Variants in DLGAP1 observed in about 807,000 individuals in gnomAD.
The protein encoded by DLGAP1 is disks large-associated protein 1.
DLGAP1 carries 11 observed loss-of-function variants against 90.8 expected under a neutral mutation model. That is an observed-to-expected ratio of 0.12 (90% CI 0.08 to 0.20). DLGAP1 has a LOEUF of 0.20. Among genes scored for constraint, DLGAP1 ranks in the 10% least tolerant of loss-of-function variants. The pLI, the probability that DLGAP1 is intolerant of heterozygous loss-of-function variation, is 1.00. For missense variants in DLGAP1, 1,050 were observed against 1,333.8 expected (o/e 0.79, Z 3.31); for synonymous variants, 558 against 540.7 (o/e 1.03, Z -0.44).
At chr18:3,964,822 G>A (rs1427606271) in intron 3 of DLGAP1, among the ~76,000 whole-genome samples, 1 of 152,178 alleles carries the variant, frequency 6.6e-6, no homozygotes, top group East Asian at 1.9e-4. Flanking sequence ...GAAGGAGAAA[G>A]TGCAAACTGT....
At chr18:4,438,431 C>CA (rs11389361) in intron 1 of DLGAP1, among the ~76,000 whole-genome samples, 25,783 of 52,128 alleles carry the variant, frequency 0.49, 9,475 homozygotes, top group African/African-American at 0.67. Flanking sequence ...GACTCCATCT[C>CA]AAAAAAAAAA....
chr18:4,005,840 A>T (rs376112504), intron 2 of DLGAP1, among the ~76,000 whole-genome samples: 2 of 152,200 alleles, frequency 1.3e-5, no homozygotes, highest in East Asian at 3.8e-4. Flanking sequence ...TTGGTTCTGC[A>T]TCAAATGTAT....
At chr18:4,399,366 T>G (rs2082504078) in intron 1 of DLGAP1, among the ~76,000 whole-genome samples, 2 of 152,196 alleles carry the variant, frequency 1.3e-5, no homozygotes. Context: ...CAGGGTCTAT[T>G]TATGTGCATT....
intron 3 of DLGAP1, among the ~76,000 whole-genome samples, chr18:3,938,105 A>G (rs2072682508): frequency 6.6e-6 from 1 of 152,206 alleles, no homozygotes; most frequent in African/African-American, 2.4e-5. Flanking sequence ...AACTAAGGCA[A>G]CTGAAGTTTG....
intron 1 of DLGAP1, among the ~76,000 whole-genome samples, chr18:4,363,494 G>A (rs375949275): frequency 1.1e-4 from 17 of 152,116 alleles, no homozygotes; most frequent in East Asian, 9.7e-4. Context: ...GAAAATTTTC[G>A]CAACCTACTC....
intron 7 of DLGAP1, among the ~76,000 whole-genome samples, chr18:3,592,895 AAAAAGAAAAAG>A (rs1272448650): frequency 3.6e-5 from 5 of 140,626 alleles, no homozygotes; most frequent in South Asian, 2.3e-4. Flanking sequence ...AAAGAAAAAG[AAAAAGAAAAAG>A]AAAAAAAAGA....
chr18:3,895,175 T>G (rs2071585713), intron 3 of DLGAP1, among the ~76,000 whole-genome samples: 1 of 152,080 alleles, frequency 6.6e-6, no homozygotes. Context: ...CTCCACCAGC[T>G]TGAATACCAG....
chr18:3,911,017 C>A (rs978241651), intron 3 of DLGAP1, among the ~76,000 whole-genome samples: 1 of 152,132 alleles, frequency 6.6e-6, no homozygotes, highest in Non-Finnish European at 1.5e-5. Flanking sequence ...CATTTAAACA[C>A]TCTAGAGTTT....
intron 2 of DLGAP1, among the ~76,000 whole-genome samples, chr18:4,012,329 C>A (rs1360538958): frequency 2.0e-5 from 3 of 152,168 alleles, no homozygotes; most frequent in African/African-American, 7.2e-5. Flanking sequence ...CAGAGCAGCA[C>A]TGATGGTTCA....
At chr18:4,210,424 G>C (rs2077817765) in intron 1 of DLGAP1, among the ~76,000 whole-genome samples, 1 of 152,168 alleles carries the variant, frequency 6.6e-6, no homozygotes, top group African/African-American at 2.4e-5. Context: ...TCTTTTTGTT[G>C]ATTGGGACAC....
At chr18:3,874,271 C>A in intron 4 of DLGAP1, 1 of 1,549,542 alleles carries the variant, frequency 6.5e-7, no homozygotes, top group South Asian at 1.2e-5. Context: ...CTTTCCTTCT[C>A]GGTCTGTCTT....
In DLGAP1 at chr18:3,706,758, C is replaced by T. The variant is rs112912014; in HGVS notation, c.1591+22377G>A. ...TGATCTGATACAGACCACAGAGAGG[C>T]GACTCCAGCCAGAAGGGTATGTTGA... is the stretch of plus-strand genomic sequence containing the variant. On this transcript the variant is annotated intron_variant, in intron 7 of 12. Transcript: ENST00000315677. Among the ~76,000 whole-genome samples, 1,077 of 151,828 alleles carry T rather than the reference C, an allele frequency of 7.1e-3. 11 individuals are homozygous for T. Among genetic ancestry groups the T allele is most frequent in the African/African-American group, 0.025 (1,025 of 41,366 alleles).
At chr18:3,752,954 T>C (rs1345471884) in intron 5 of DLGAP1, among the ~76,000 whole-genome samples, 1 of 152,112 alleles carries the variant, frequency 6.6e-6, no homozygotes, top group East Asian at 1.9e-4. Context: ...CTTGTTTTTA[T>C]TTTTTTGGCT....
At chr18:4,293,648 C>G (rs567601172) in intron 1 of DLGAP1, 9 of 152,278 alleles carry the variant, frequency 5.9e-5, no homozygotes, top group African/African-American at 2.2e-4. Flanking sequence ...TCTGTGTTTT[C>G]CTGAATATAG....
At position 3,502,641 on chromosome 18, in the gene DLGAP1, G is replaced by A. The variant is rs2049996872; in HGVS notation, c.2576C>T (p.Pro859Leu). 6.2e-7 allele frequency: 1 copy of A among 1,611,712 alleles called. No individual in the cohort carries two copies. Among genetic ancestry groups the A allele is most frequent in the Non-Finnish European group, 8.5e-7 (1 of 1,179,444 alleles). ...GGAGGTGGGTCTTGGATGAGCATTA[G>A]GATTCTGCACAAGAGAAAGAAAAAC... ...FRELCEENLN[P>L]NAHPRPTSQD... Residue 859 changes from proline to leucine, a missense_variant, in exon 12 of 13, where the codon CCT (proline) becomes CTT (leucine). Around this residue, in one of 2 missense-constraint regions of DLGAP1, gnomAD observed 565 missense variants for 879.7 expected, o/e 0.64. Transcript: ENST00000315677.
chr18:4,023,881 G>C (rs2074656003), intron 2 of DLGAP1, among the ~76,000 whole-genome samples: 1 of 151,912 alleles, frequency 6.6e-6, no homozygotes, highest in Non-Finnish European at 1.5e-5. Context: ...AAAAATTTTG[G>C]TTTCTATTCT....
At chr18:3,741,307 CATCACCACCACCACCACCACCAT>C in intron 6 of DLGAP1, among the ~76,000 whole-genome samples, 1 of 118,154 alleles carries the variant, frequency 8.5e-6, no homozygotes, top group African/African-American at 3.8e-5. Flanking sequence ...CACCACATCA[CATCACCACCACCACCACCACCAT>C]CACCACCACC....
At chr18:4,273,715 G>C (rs565816072) in intron 1 of DLGAP1, among the ~76,000 whole-genome samples, 3 of 152,198 alleles carry the variant, frequency 2.0e-5, no homozygotes, top group Non-Finnish European at 4.4e-5. Context: ...GATTACAGGC[G>C]TGAGCCACTG....
At chr18:4,174,768 A>AC (rs1333615023) in intron 1 of DLGAP1, among the ~76,000 whole-genome samples, 9 of 151,778 alleles carry the variant, frequency 5.9e-5, no homozygotes, top group African/African-American at 4.8e-5. Flanking sequence ...CTCACCTGCC[A>AC]CCCCCCAACT....
Sources: allele counts gnomAD v4.1 joint callset (sites outside exome capture counted in the v4.1 genomes callset), GRCh38; gene constraint gnomAD v4.1.1; regional missense constraint gnomAD v4.1.1; transcripts MANE v1.5; gene names NCBI Gene and HGNC (gene_info 2026-07-23, HGNC 2026-07-21).